The following GOLM2 variants were observed in gnomAD, a reference collection of about 807,000 sequenced individuals.
GOLM2 encodes golgi membrane protein 2, also known as protein GOLM2.
A neutral mutation model predicts 55.9 loss-of-function variants in GOLM2; 26 were observed. The ratio of observed to expected loss-of-function variants is 0.47; its 90% confidence interval spans 0.34 to 0.65. The LOEUF is 0.65. Among genes scored for constraint, GOLM2 ranks in the 30% least tolerant of loss-of-function variants. The pLI, the probability that GOLM2 is intolerant of heterozygous loss-of-function variation, is 0.01. For synonymous variants in GOLM2, 165 were observed against 194.6 expected, an observed-to-expected ratio of 0.85 and a Z score of 1.27; for missense variants, 486 against 531.8, an observed-to-expected ratio of 0.91 and a Z score of 0.85.
At chr15:44,376,678 G>A (rs1262202125) in intron 6 of GOLM2, among the ~76,000 whole-genome samples, 1 of 152,122 alleles carries the variant, frequency 6.6e-6, no homozygotes, top group African/African-American at 2.4e-5. Flanking sequence ...TACAAAATTG[G>A]AGGGTAAGGT....
chr15:44,367,337 C>G (rs1455559585), intron 6 of GOLM2, among the ~76,000 whole-genome samples: 1 of 151,920 alleles, frequency 6.6e-6, no homozygotes, highest in Non-Finnish European at 1.5e-5. Flanking sequence ...TCCCTTCAGC[C>G]TGAAGAACTT....
At chr15:44,306,174 A>T (rs1471067026) in intron 1 of GOLM2, among the ~76,000 whole-genome samples, 1 of 152,222 alleles carries the variant, frequency 6.6e-6, no homozygotes, top group African/African-American at 2.4e-5. Context: ...AGGCTGTTTC[A>T]TTTACATGGA....
chr15:44,352,434 G>A (rs558885757), intron 6 of GOLM2, among the ~76,000 whole-genome samples: 6 of 152,140 alleles, frequency 3.9e-5, no homozygotes, highest in East Asian at 1.9e-4. Context: ...ATGAATTTAC[G>A]ACTCAAATCT....
At position 44,328,759 on chromosome 15, in the gene GOLM2, T is replaced by TA. The variant is rs1201694284; in HGVS notation, c.458dup (p.Tyr153Ter). 9.9e-6 allele frequency: 16 copies of TA among 1,610,580 alleles called. No homozygotes were observed. The highest frequency in any genetic ancestry group is 1.4e-5 in the Non-Finnish European group (16 of 1,178,658). Residue 153 changes from tyrosine (Y) to a stop codon, truncating the protein, a stop_gained and frameshift_variant, in exon 3 of 10, where the codon TAC becomes TAAC. Coordinates refer to ENST00000299957, the MANE Select transcript of GOLM2 (RefSeq NM_138423.4). LOFTEE classifies it high-confidence loss of function. ...QLQDYRKNNT[Y>*]LVKRLEYESF... ...TCAGGACTATAGGAAGAACAATACT[T>TA]ACCTTGTGAAGAGGTTAGAATATGA... is the stretch of plus-strand genomic sequence containing the variant.
intron 8 of GOLM2, chr15:44,402,569 C>T (rs2079572605): frequency 4.3e-6 from 1 of 233,542 alleles, no homozygotes; most frequent in Non-Finnish European, 8.5e-6. Flanking sequence ...TTTAGTCATA[C>T]TTATATTAGA....
intron 1 of GOLM2, among the ~76,000 whole-genome samples, chr15:44,297,497 T>C (rs1449500504): frequency 6.6e-6 from 1 of 152,160 alleles, no homozygotes; most frequent in Non-Finnish European, 1.5e-5. Context: ...TGTGCCTTTG[T>C]TCCTGCTGTT....
chr15:44,326,903 C>T (rs1286027303), intron 2 of GOLM2, among the ~76,000 whole-genome samples: 6 of 150,324 alleles, frequency 4.0e-5, no homozygotes, highest in African/African-American at 1.2e-4. Flanking sequence ...CCACCCTTCT[C>T]GGCCCCCCAA....
At position 44,338,314 on chromosome 15, in the gene GOLM2, C is replaced by A; in HGVS notation, c.799C>A (p.Pro267Thr). ...NDLAKVDDLP[P>T]ALRKPPISVS... ...CCTAGCAAAAGTTGATGATCTTCCC[C>A]CTGGTAAGTAAAAATTGTTAGAGAA... is the stretch of plus-strand genomic sequence containing the variant. The change falls in exon 6 of 10, where the codon CCT becomes ACT. Residue 267 changes from proline (P) to threonine (T), a missense_variant. Physicochemically the swap from Pro to Thr is conservative, Grantham distance 38. Transcript: ENST00000299957. 1 of 1,610,586 alleles carries A rather than the reference C, an allele frequency of 6.2e-7. No homozygotes were observed. Among genetic ancestry groups the A allele is most frequent in the Non-Finnish European group, 8.5e-7 (1 of 1,177,106 alleles).
At chr15:44,329,625 T>C (rs2079008204) in intron 3 of GOLM2, among the ~76,000 whole-genome samples, 1 of 152,212 alleles carries the variant, frequency 6.6e-6, no homozygotes, top group Non-Finnish European at 1.5e-5. Context: ...GGCTAGGTTA[T>C]GGTGGTTCAC....
intron 8 of GOLM2, among the ~76,000 whole-genome samples, chr15:44,397,401 C>T (rs943107597): frequency 1.3e-5 from 2 of 150,082 alleles, no homozygotes; most frequent in African/African-American, 4.9e-5. Flanking sequence ...ATGGCATGAA[C>T]CTGGGAGGCG....
chr15:44,380,792 T>C lies in GOLM2; in HGVS notation c.902-14T>C. The C allele has an allele frequency of 6.9e-7, 1 of 1,441,556 alleles. No individual in the cohort carries two copies. The highest frequency in any genetic ancestry group is 9.2e-7 in the Non-Finnish European group (1 of 1,092,028). The allele number at this position is 1,441,556 out of a possible 1,614,324, so 89.3% of individuals were successfully genotyped here. On this transcript the variant is annotated splice_polypyrimidine_tract_variant and intron_variant, in intron 7 of 9. Transcript: ENST00000299957. ...TAAATTATATTCTTTTAATTTGATG[T>C]TTTTATGCCACAGATTCACACATAA...
intron 6 of GOLM2, among the ~76,000 whole-genome samples, chr15:44,345,025 A>T (rs1161517304): frequency 7.4e-5 from 11 of 149,342 alleles, no homozygotes; most frequent in Admixed American, 5.4e-4. Flanking sequence ...GTTAGCCAGG[A>T]TGGTCTCGAT....
At chr15:44,409,415 T>G (rs1469231661) in intron 9 of GOLM2, 1 of 139,274 alleles carries the variant, frequency 7.2e-6, no homozygotes, top group Non-Finnish European at 1.5e-5. Flanking sequence ...GGGGAAAACC[T>G]GTTTCTACTA....
intron 9 of GOLM2, among the ~76,000 whole-genome samples, chr15:44,411,013 C>CTTTTTTT (rs201998296): frequency 1.2e-5 from 1 of 81,330 alleles, no homozygotes. Flanking sequence ...GTTTGTTTGA[C>CTTTTTTT]TTTTTTTTTT....
At chr15:44,295,944 A>G (rs2078753631) in intron 1 of GOLM2, among the ~76,000 whole-genome samples, 1 of 151,410 alleles carries the variant, frequency 6.6e-6, no homozygotes, top group Non-Finnish European at 1.5e-5. Context: ...ACACACACAC[A>G]CACAGACACC....
At position 44,392,359 on chromosome 15, in the gene GOLM2, C is replaced by T. The variant is rs564732194; in HGVS notation, c.1073-10528C>T. On this transcript the variant is annotated intron_variant, in intron 8 of 9. Coordinates refer to ENST00000299957, the MANE Select transcript of GOLM2 (RefSeq NM_138423.4). ...TAAACAAGGCCAGGCACGTAGCTCA[C>T]GCCTGTAAATCCCAGCACTTTGGGA... 3.7e-4 allele frequency among the ~76,000 whole-genome samples: 56 copies of T among 152,068 alleles called. No individual in the cohort carries two copies. The South Asian group carries it at 9.6e-3, about 26-fold the overall frequency.
chr15:44,311,396 G>A (rs960088410), intron 1 of GOLM2, among the ~76,000 whole-genome samples: 3 of 152,034 alleles, frequency 2.0e-5, no homozygotes, highest in African/African-American at 4.8e-5. Flanking sequence ...TAACTTTAAT[G>A]TGAATTAATG....
intron 6 of GOLM2, among the ~76,000 whole-genome samples, chr15:44,363,774 C>G (rs1183197813): frequency 3.3e-5 from 5 of 150,632 alleles, no homozygotes; most frequent in African/African-American, 1.2e-4. Flanking sequence ...TTCACAATAG[C>G]AAAGACTTGG....
chr15:44,381,050 C>T (rs2079398678), intron 8 of GOLM2, 74 bp downstream of exon 8: 1 of 895,602 alleles, frequency 1.1e-6, no homozygotes. Context: ...CTTCATTATT[C>T]TGCTCTCTAA....
Sources: allele counts gnomAD v4.1 joint callset (sites outside exome capture counted in the v4.1 genomes callset), GRCh38; gene constraint gnomAD v4.1.1; transcripts MANE v1.5; gene names NCBI Gene and HGNC (gene_info 2026-07-23, HGNC 2026-07-21).